Variants in TTC28 observed in about 807,000 individuals in gnomAD.
The protein encoded by TTC28 is tetratricopeptide repeat domain 28.
Under a neutral mutation model 198.0 loss-of-function variants are expected in TTC28, and 61 were observed. The observed-to-expected ratio is 0.31, with a 90% CI of 0.25 to 0.38. The LOEUF (loss-of-function observed/expected upper bound fraction) is 0.38. Ranked by LOEUF, TTC28 falls within the 10% of genes least tolerant of loss-of-function variation. TTC28 has a pLI of 1.00. For missense variants in TTC28, 2,678 were observed against 3,164.0 expected, an observed-to-expected ratio of 0.85 and a Z score of 3.69; for synonymous variants, 1,171 against 1,297.8, an observed-to-expected ratio of 0.90 and a Z score of 2.10.
chr22:28,034,819 GC>G (rs1794415165), intron 12 of TTC28, among the ~76,000 whole-genome samples: 1 of 152,184 alleles, frequency 6.6e-6, no homozygotes, highest in Admixed American at 6.5e-5. Context: ...GTACCCACCT[GC>G]CCTGCCAGCA....
In TTC28 at chr22:28,468,558, C is replaced by G. The variant is rs184838554; in HGVS notation, c.381+160994G>C. 5.0e-3 allele frequency among the ~76,000 whole-genome samples: 756 copies of G among 151,906 alleles called. 11 individuals are homozygous for G. The highest frequency in any genetic ancestry group is 0.017 in the African/African-American group (712 of 41,442). On this transcript the variant is annotated intron_variant, in intron 2 of 22. Coordinates refer to ENST00000397906, the MANE Select transcript of TTC28 (RefSeq NM_001145418.2). ...TTGAGACAGAGTCTCACTCTGTCGCCCAGGCTGGAGTGCAATGGCACACTG... is the reference window on the plus strand; with the variant it reads ...TTGAGACAGAGTCTCACTCTGTCGCGCAGGCTGGAGTGCAATGGCACACTG...
chr22:28,646,795 T>A (rs1472927365), intron 1 of TTC28, among the ~76,000 whole-genome samples: 1 of 151,860 alleles, frequency 6.6e-6, no homozygotes, highest in East Asian at 1.9e-4. Flanking sequence ...AAACAGGAGG[T>A]GGAGGCTGCA....
chr22:28,085,035 T>C (rs1469473052), intron 12 of TTC28, among the ~76,000 whole-genome samples: 2 of 152,062 alleles, frequency 1.3e-5, no homozygotes, highest in African/African-American at 4.8e-5. Flanking sequence ...CTACGTCTGA[T>C]TGGTGTACCT....
At chr22:28,391,030 A>G (rs1306761837) in intron 2 of TTC28, among the ~76,000 whole-genome samples, 1 of 152,140 alleles carries the variant, frequency 6.6e-6, no homozygotes, top group East Asian at 1.9e-4. Flanking sequence ...CTTTTAGGGC[A>G]GGCCTGGTGG....
Position 28,656,120 on chromosome 22 carries a change from G to A in TTC28, c.102+23502C>T, listed in dbSNP as rs6005831. Among the ~76,000 whole-genome samples the A allele has an allele frequency of 7.8e-3, 1,189 of 152,318 alleles. 19 individuals carry two copies. The highest frequency in any genetic ancestry group is 0.026 in the African/African-American group (1,096 of 41,568). On this transcript the variant is annotated intron_variant, in intron 1 of 22. Transcript: ENST00000397906. ...AAGCAGCTACCACCCCTAAGGCTGA[G>A]TTAACAAACGCTCAGAGGAGGGACC...
At chr22:28,442,799 G>A (rs2047645057) in intron 2 of TTC28, 2 of 152,702 alleles carry the variant, frequency 1.3e-5, no homozygotes, top group Admixed American at 1.3e-4. Context: ...ACTACGGAAG[G>A]GGTGGAGAGA....
At chr22:28,639,609 GA>G (rs1160577657) in intron 1 of TTC28, among the ~76,000 whole-genome samples, 1 of 152,128 alleles carries the variant, frequency 6.6e-6, no homozygotes, top group Non-Finnish European at 1.5e-5. Flanking sequence ...AGTCTCACAA[GA>G]TCTGACGGTT....
chr22:28,178,300 A>AT (rs1923366468), intron 5 of TTC28, among the ~76,000 whole-genome samples: 2 of 54,930 alleles, frequency 3.6e-5, no homozygotes, highest in Middle Eastern at 7.4e-3. Flanking sequence ...ACTAATAAAT[A>AT]CAAAAAAAAA....
chr22:28,230,470 AGGGGAAGGGTCTTT>A (rs761103283), intron 5 of TTC28, among the ~76,000 whole-genome samples: 102 of 152,196 alleles, frequency 6.7e-4, no homozygotes, highest in Non-Finnish European at 1.3e-3. Context: ...CTTCACATAG[AGGGGAAGGGTCTTT>A]GTCTTCTCAT....
chr22:28,393,904 C>T (rs1392300999), intron 2 of TTC28, among the ~76,000 whole-genome samples: 1 of 151,994 alleles, frequency 6.6e-6, no homozygotes, highest in Non-Finnish European at 1.5e-5. Flanking sequence ...GCTCCACTTA[C>T]CTTTTTGTTT....
intron 2 of TTC28, among the ~76,000 whole-genome samples, chr22:28,334,923 C>T (rs1427213918): frequency 6.6e-6 from 1 of 152,104 alleles, no homozygotes; most frequent in Admixed American, 6.6e-5. Flanking sequence ...ACATGAAGTC[C>T]TTGGCCATGC....
intron 2 of TTC28, among the ~76,000 whole-genome samples, chr22:28,431,189 C>G (rs1266858993): frequency 6.6e-6 from 1 of 152,066 alleles, no homozygotes; most frequent in East Asian, 1.9e-4. Context: ...TGCCTTATCC[C>G]CACTACTAGA....
intron 2 of TTC28, among the ~76,000 whole-genome samples, chr22:28,333,713 C>A (rs1248607447): frequency 6.6e-6 from 1 of 151,956 alleles, no homozygotes; most frequent in African/African-American, 2.4e-5. Flanking sequence ...ATTTTGCATA[C>A]CAAATTTTAA....
At chr22:28,568,749 G>A (rs1034494735) in intron 2 of TTC28, among the ~76,000 whole-genome samples, 6 of 152,130 alleles carry the variant, frequency 3.9e-5, no homozygotes, top group Admixed American at 6.5e-5. Context: ...AATAAGAGTC[G>A]ATACTGTTAA....
chr22:28,549,493 G>A (rs1400326526), intron 2 of TTC28, among the ~76,000 whole-genome samples: 4 of 152,094 alleles, frequency 2.6e-5, no homozygotes, highest in Admixed American at 2.6e-4. Context: ...GTCTACTGCT[G>A]CCAGGCCCTG....
At chr22:28,338,612 T>C (rs2045773510) in intron 2 of TTC28, among the ~76,000 whole-genome samples, 1 of 152,208 alleles carries the variant, frequency 6.6e-6, no homozygotes, top group African/African-American at 2.4e-5. Flanking sequence ...CTGATACCCT[T>C]TCTTCCAGTT....
chr22:28,571,998 T>G (rs1173757080), intron 2 of TTC28, among the ~76,000 whole-genome samples: 6 of 150,080 alleles, frequency 4.0e-5, no homozygotes, highest in African/African-American at 1.5e-4. Context: ...TAATGTATAC[T>G]CTGCCACCCA....
At chr22:28,591,198 T>C (rs1054689963) in intron 2 of TTC28, among the ~76,000 whole-genome samples, 4 of 149,998 alleles carry the variant, frequency 2.7e-5, no homozygotes, top group Non-Finnish European at 4.4e-5. Context: ...ACCCTTAACT[T>C]TCCAGGCTCA....
intron 17 of TTC28, among the ~76,000 whole-genome samples, chr22:27,994,846 T>C: frequency 6.6e-6 from 1 of 152,120 alleles, no homozygotes; most frequent in East Asian, 1.9e-4. Context: ...CAGTGTGTAG[T>C]GGCAGCAAGG....
Sources: allele counts gnomAD v4.1 joint callset (sites outside exome capture counted in the v4.1 genomes callset), GRCh38; gene constraint gnomAD v4.1.1; transcripts MANE v1.5; gene names NCBI Gene and HGNC (gene_info 2026-07-23, HGNC 2026-07-21).